Variants in FRMD6 observed in about 807,000 individuals in gnomAD.
The protein encoded by FRMD6 is FERM domain-containing protein 6.
FRMD6 carries 37 observed loss-of-function variants against 73.2 expected under a neutral mutation model. The ratio of observed to expected loss-of-function variants is 0.51; its 90% CI spans 0.39 to 0.66. FRMD6 has a LOEUF of 0.66. Among genes scored for constraint, FRMD6 ranks in the 30% least tolerant of loss-of-function variants. The pLI is 0.00. For missense variants in FRMD6, 714 were observed against 780.5 expected (o/e 0.91, Z 1.02); for synonymous variants, 273 against 282.2 (o/e 0.97, Z 0.33).
chr14:51,427,813 A>G, the FRMD6 span, among the ~76,000 whole-genome samples: 2 of 151,848 alleles, frequency 1.3e-5, no homozygotes, highest in African/African-American at 4.8e-5. Flanking sequence ...GAAAGCAGCC[A>G]TGGTGGGAGT....
chr14:51,513,046 G>T (rs1473993016), intron 1 of FRMD6, among the ~76,000 whole-genome samples: 2 of 152,308 alleles, frequency 1.3e-5, no homozygotes, highest in East Asian at 3.9e-4. Flanking sequence ...AAAATTAGGA[G>T]GCTCTAGTCT....
chr14:51,569,513 T>C (rs966888692), intron 1 of FRMD6, among the ~76,000 whole-genome samples: 8 of 148,634 alleles, frequency 5.4e-5, no homozygotes, highest in Admixed American at 1.3e-4. Context: ...CTTTCTTTTT[T>C]TTTTTTTTTT....
rs1365730125 is a variant in FRMD6, at chr14:51,729,269, T to C, written c.*1240T>C. 1 of 152,230 alleles carries C rather than the reference T, an allele frequency of 6.6e-6. No individual in the cohort carries two copies. Among genetic ancestry groups the C allele is most frequent in the Non-Finnish European group, 1.5e-5 (1 of 68,032 alleles). 9.4% of individuals were successfully genotyped at this position (152,230 alleles called of 1,614,324 possible). A position where few individuals can be genotyped will look rare whatever the true frequency, so the allele number is the denominator to read the frequency against. ...TCTTTTAAAGTTCTCCAGATGGAGC[T>C]AATATGCAACAAAGTTGAAAACCAC... On this transcript the variant is annotated 3_prime_UTR_variant, in exon 14 of 14. Transcript: ENST00000344768.
intron 1 of FRMD6, among the ~76,000 whole-genome samples, chr14:51,519,296 C>A (rs1170576855): frequency 6.6e-6 from 1 of 151,862 alleles, no homozygotes; most frequent in East Asian, 1.9e-4. Flanking sequence ...TCCCAAGTAG[C>A]TGGGACTACA....
chr14:51,727,688 A>C (rs1898052688), intron 13 of FRMD6, 57 bp from the exon 14 acceptor site: 6 of 1,495,412 alleles, frequency 4.0e-6, no homozygotes, highest in East Asian at 4.6e-5. Context: ...TCTCTTTACA[A>C]GGCAAATATT....
intron 1 of FRMD6, among the ~76,000 whole-genome samples, chr14:51,665,519 G>T (rs553470262): frequency 3.9e-5 from 6 of 152,014 alleles, no homozygotes; most frequent in Non-Finnish European, 7.3e-5. Flanking sequence ...TTCTCCTTCC[G>T]CTGCGTCCGA....
rs565924420 is a variant in FRMD6 at position 51,720,364 on chromosome 14, G to A, written c.1334G>A (p.Arg445Gln). Residue 445 changes from arginine to glutamine, a missense_variant, in exon 11 of 14, where the codon CGG (arginine) becomes CAG (glutamine). Coordinates refer to ENST00000344768, the MANE Select transcript of FRMD6 (RefSeq NM_001267046.2). ...GGGGTGGAGAGTGGCGGCAAAGACC[G>A]GCTGGAAGAGGACTTACAGGACGAT... Reference protein sequence around the residue: ...TSGVESGGKDRLEEDLQDDEI... With the variant: ...TSGVESGGKDQLEEDLQDDEI... The A allele has an allele frequency of 6.1e-5, 99 of 1,613,618 alleles. 2 individuals are homozygous for A. In the South Asian group the frequency reaches 8.9e-4, roughly 14 times the overall value.
At chr14:51,489,302 C>T (rs1882859208) in exon 1 of FRMD6, 1 of 152,502 alleles carries the variant, frequency 6.6e-6, no homozygotes, top group Non-Finnish European at 1.5e-5. Context: ...TGCTTACTCA[C>T]AGCAACTGAA....
Position 51,529,677 on chromosome 14 carries a change from C to T in FRMD6, c.-210+40257C>T, listed in dbSNP as rs916876815. ...TTTGTTCCCTAGTCCCAGCATCTCC[C>T]GATAGACCACCCTACCTTGAGAGAC... On this transcript the variant is annotated intron_variant, in intron 1 of 14. Transcript: ENST00000356218. Among the ~76,000 whole-genome samples the T allele has an allele frequency of 2.0e-5, 3 of 152,176 alleles. No individual in the cohort carries two copies. In the East Asian group the frequency reaches 5.8e-4, roughly 29 times the overall value.
At chr14:51,434,175 T>C in the FRMD6 span, among the ~76,000 whole-genome samples, 1 of 152,166 alleles carries the variant, frequency 6.6e-6, no homozygotes, top group Non-Finnish European at 1.5e-5. Context: ...ATTTTTATTA[T>C]GTACACAGGT....
intron 2 of FRMD6, among the ~76,000 whole-genome samples, chr14:51,646,657 ATGAGT>A (rs1892089150): frequency 1.3e-5 from 2 of 151,148 alleles, no homozygotes; most frequent in African/African-American, 4.9e-5. Flanking sequence ...AACAGAATAC[ATGAGT>A]TAAGTTTCAT....
At chr14:51,448,147 C>T in the FRMD6 span, among the ~76,000 whole-genome samples, 1 of 152,106 alleles carries the variant, frequency 6.6e-6, no homozygotes, top group Non-Finnish European at 1.5e-5. Context: ...TTTGGAATTC[C>T]TAATGTTTGA....
the FRMD6 span, among the ~76,000 whole-genome samples, chr14:51,410,604 C>T: frequency 6.6e-6 from 1 of 152,280 alleles, no homozygotes; most frequent in African/African-American, 2.4e-5. Flanking sequence ...AAAAGCAGCA[C>T]ATGTTCAAGG....
chr14:51,474,330 A>T, the FRMD6 span, among the ~76,000 whole-genome samples: 1 of 152,228 alleles, frequency 6.6e-6, no homozygotes, highest in Non-Finnish European at 1.5e-5. Flanking sequence ...TAAACACTAC[A>T]TCACAAAAGT....
At chr14:51,418,073 T>C in the FRMD6 span, among the ~76,000 whole-genome samples, 21 of 152,338 alleles carry the variant, frequency 1.4e-4, no homozygotes, top group Middle Eastern at 3.4e-3. Context: ...TCAAGGTTTT[T>C]AGCTTCCTTG....
At chr14:51,464,939 G>A in the FRMD6 span, among the ~76,000 whole-genome samples, 5 of 152,094 alleles carry the variant, frequency 3.3e-5, no homozygotes, top group Non-Finnish European at 5.9e-5. Flanking sequence ...TTAAAAACTG[G>A]ATCTCTGCTA....
At chr14:51,690,479 G>A (rs749449857) in intron 2 of FRMD6, among the ~76,000 whole-genome samples, 2 of 152,108 alleles carry the variant, frequency 1.3e-5, no homozygotes, top group Non-Finnish European at 2.9e-5. Context: ...TCTGCCTCCT[G>A]GGTTCAAGCG....
At chr14:51,722,644 A>G (rs1339644188) in intron 12 of FRMD6, among the ~76,000 whole-genome samples, 1 of 152,244 alleles carries the variant, frequency 6.6e-6, no homozygotes, top group African/African-American at 2.4e-5. Context: ...CCCTATAGTT[A>G]TATAATACAT....
At chr14:51,405,199 C>T in the FRMD6 span, among the ~76,000 whole-genome samples, 1 of 151,956 alleles carries the variant, frequency 6.6e-6, no homozygotes, top group Non-Finnish European at 1.5e-5. Flanking sequence ...AGGTTGATTC[C>T]ATATCTTTGC....
Sources: allele counts gnomAD v4.1 joint callset (sites outside exome capture counted in the v4.1 genomes callset), GRCh38; gene constraint gnomAD v4.1.1; transcripts MANE v1.5; gene names NCBI Gene and HGNC (gene_info 2026-07-23, HGNC 2026-07-21).